Variants in PIK3C2G observed in about 807,000 individuals in gnomAD.
PIK3C2G encodes the protein phosphatidylinositol 3-kinase C2 domain-containing subunit gamma.
A neutral mutation model predicts 181.1 loss-of-function variants in PIK3C2G; 168 were observed. That is an observed-to-expected ratio of 0.93 (90% CI 0.82 to 1.05). The LOEUF (loss-of-function observed/expected upper bound fraction) is 1.05, where lower values mean the gene tolerates loss of function less well. Among genes scored for constraint, PIK3C2G ranks in the 50% least tolerant of loss-of-function variants. PIK3C2G has a pLI of 0.00. For missense variants in PIK3C2G, 1,869 were observed against 1,732.8 expected (o/e 1.08, Z -1.40); for synonymous variants, 573 against 592.2 (o/e 0.97, Z 0.47).
intron 1 of PIK3C2G, among the ~76,000 whole-genome samples, chr12:18,249,879 C>T (rs1038849539): frequency 4.6e-5 from 7 of 151,766 alleles, no homozygotes; most frequent in African/African-American, 1.7e-4. Context: ...TTTACAAACC[C>T]ATCTTAACTC....
intron 30 of PIK3C2G, among the ~76,000 whole-genome samples, chr12:18,599,488 G>A (rs1283518222): frequency 1.3e-5 from 2 of 151,746 alleles, no homozygotes; most frequent in Non-Finnish European, 2.9e-5. Context: ...TCACACTCTG[G>A]GGACTGTTGT....
chr12:18,275,350 C>T (rs939571554), intron 1 of PIK3C2G, among the ~76,000 whole-genome samples: 4 of 151,990 alleles, frequency 2.6e-5, no homozygotes, highest in African/African-American at 9.7e-5. Context: ...CATCTTTCTC[C>T]TTTTATATTC....
At chr12:18,253,676 G>T (rs541799444) in intron 1 of PIK3C2G, among the ~76,000 whole-genome samples, 5 of 152,212 alleles carry the variant, frequency 3.3e-5, no homozygotes, top group South Asian at 2.1e-4. Flanking sequence ...GAGTTGTAGC[G>T]CAATGAAACT....
intron 12 of PIK3C2G, among the ~76,000 whole-genome samples, chr12:18,369,312 T>C (rs1005337301): frequency 4.6e-5 from 7 of 152,192 alleles, no homozygotes; most frequent in Non-Finnish European, 1.0e-4. Context: ...ACTGTAAACA[T>C]ATCTCCCCAT....
chr12:18,698,942 G>A, the PIK3C2G span, among the ~76,000 whole-genome samples: 1 of 152,010 alleles, frequency 6.6e-6, no homozygotes, highest in Non-Finnish European at 1.5e-5. Context: ...AAAAAAAACT[G>A]CCATTTTTTG....
intron 8 of PIK3C2G, among the ~76,000 whole-genome samples, chr12:18,334,322 C>T (rs1938300128): frequency 6.6e-6 from 1 of 152,050 alleles, no homozygotes; most frequent in African/African-American, 2.4e-5. Flanking sequence ...GTCAAAAGAA[C>T]CTTTCTAGGT....
At chr12:18,550,213 AC>A (rs2136287161) in intron 26 of PIK3C2G, among the ~76,000 whole-genome samples, 1 of 152,118 alleles carries the variant, frequency 6.6e-6, no homozygotes, top group East Asian at 1.9e-4. Flanking sequence ...AACTGTAACT[AC>A]CATTTAGAAA....
intron 1 of PIK3C2G, among the ~76,000 whole-genome samples, chr12:18,266,399 G>C (rs1948501819): frequency 6.6e-6 from 1 of 152,014 alleles, no homozygotes; most frequent in Admixed American, 6.6e-5. Flanking sequence ...ATGCCTTTCA[G>C]TTTTAGTTGA....
Position 18,282,600 on chromosome 12 carries a change from T to G in PIK3C2G, c.519T>G (p.Ser173Arg). Residue 173 changes from serine (S) to arginine (R), a missense_variant, in exon 2 of 33, where the codon AGT (serine) becomes AGG (arginine). Transcript: ENST00000538779. ...ENHNYHIGFESSIPPTNSSFS... is the reference protein window; with the variant it reads ...ENHNYHIGFERSIPPTNSSFS... The stretch of plus-strand genomic sequence containing the variant: ...ATAACTACCATATAGGATTTGAAAG[T>G]AGCATTCCTCCAACAAATTCATCCT... 6.2e-7 allele frequency: 1 copy of G among 1,613,154 alleles called. No homozygotes were observed. Among genetic ancestry groups the G allele is most frequent in the East Asian group, 2.2e-5 (1 of 44,866 alleles).
intron 12 of PIK3C2G, among the ~76,000 whole-genome samples, chr12:18,364,563 G>A (rs1377994888): frequency 6.6e-6 from 1 of 151,892 alleles, no homozygotes; most frequent in African/African-American, 2.4e-5. Context: ...AGTGTTATTG[G>A]GCAAATTAAT....
the PIK3C2G span, chr12:18,723,363 C>G: frequency 6.2e-7 from 1 of 1,612,900 alleles, no homozygotes; most frequent in Non-Finnish European, 8.5e-7. Flanking sequence ...TAGCTTTACT[C>G]ATCTCAGCTG....
intron 13 of PIK3C2G, among the ~76,000 whole-genome samples, chr12:18,378,957 G>A (rs1220199254): frequency 1.3e-5 from 2 of 152,168 alleles, no homozygotes; most frequent in East Asian, 1.9e-4. Context: ...ACAGTATGGC[G>A]ATTCCTCAAG....
intron 5 of PIK3C2G, among the ~76,000 whole-genome samples, chr12:18,312,986 A>G (rs1403413080): frequency 6.6e-6 from 1 of 152,120 alleles, no homozygotes; most frequent in Non-Finnish European, 1.5e-5. Flanking sequence ...TGAATTTTCC[A>G]TATAAGTAAA....
the PIK3C2G span, among the ~76,000 whole-genome samples, chr12:18,689,721 T>C: frequency 1.3e-5 from 2 of 152,186 alleles, no homozygotes; most frequent in South Asian, 2.1e-4. Flanking sequence ...AGCAGTCCTG[T>C]AGCTTTTATA....
intron 1 of PIK3C2G, among the ~76,000 whole-genome samples, chr12:18,266,094 G>A (rs1948487469): frequency 6.8e-6 from 1 of 147,292 alleles, no homozygotes; most frequent in South Asian, 2.1e-4. Context: ...CCTATTAACT[G>A]CTTATATTTA....
chr12:18,273,063 AAG>A (rs1433032007), intron 1 of PIK3C2G, among the ~76,000 whole-genome samples: 4 of 151,696 alleles, frequency 2.6e-5, no homozygotes, highest in African/African-American at 9.7e-5. Context: ...GAGAGTGAGA[AAG>A]AGAGAGATGC....
intron 9 of PIK3C2G, among the ~76,000 whole-genome samples, chr12:18,341,595 C>T (rs1939142617): frequency 6.6e-6 from 1 of 152,106 alleles, no homozygotes. Flanking sequence ...CTCATTTATT[C>T]TACATCAGTT....
intron 31 of PIK3C2G, among the ~76,000 whole-genome samples, chr12:18,635,807 CA>C (rs1949575034): frequency 6.6e-6 from 1 of 152,170 alleles, no homozygotes; most frequent in African/African-American, 2.4e-5. Context: ...GGTCACTCAG[CA>C]AATGGGCCAG....
At chr12:18,504,395 CA>C in intron 23 of PIK3C2G, among the ~76,000 whole-genome samples, 1 of 152,308 alleles carries the variant, frequency 6.6e-6, no homozygotes, top group East Asian at 1.9e-4. Flanking sequence ...TCGCTCTTCA[CA>C]ACCACCATTT....
Sources: gnomAD v4.1 joint callset for allele counts (sites outside exome capture counted in the v4.1 genomes callset) on GRCh38, gnomAD v4.1.1 for gene constraint, MANE v1.5 for transcripts, NCBI Gene and HGNC (gene_info 2026-07-23, HGNC 2026-07-21) for gene names.